CDRT4: variants seen among roughly 807,000 people sequenced by gnomAD.
The protein encoded by CDRT4 is CMT1A duplicated region transcript 4 protein.
For synonymous variants in CDRT4, 64 were observed against 69.6 expected (o/e 0.92, Z 0.40); for missense variants, 167 against 193.1 (o/e 0.87, Z 0.80).
intron 1 of CDRT4, among the ~76,000 whole-genome samples, chr17:15,460,399 CTAA>C (rs58199786): frequency 5.3e-5 from 8 of 151,866 alleles, no homozygotes; most frequent in East Asian, 1.9e-4. Flanking sequence ...ACTACTGCTG[CTAA>C]TAATAATATA....
intron 1 of CDRT4, among the ~76,000 whole-genome samples, chr17:15,462,359 CA>C (rs2150799983): frequency 7.5e-6 from 1 of 134,008 alleles, no homozygotes; most frequent in East Asian, 2.3e-4. Flanking sequence ...ACCCAGGAGG[CA>C]GAGCTTGCAG....
chr17:15,457,348 G>T (rs142142611), intron 1 of CDRT4, among the ~76,000 whole-genome samples: 121 of 152,322 alleles, frequency 7.9e-4, no homozygotes, highest in African/African-American at 2.6e-3. Context: ...GTTTTCAAAA[G>T]AGAAAAGCTA....
At chr17:15,457,014 G>A (rs1979516249) in intron 1 of CDRT4, among the ~76,000 whole-genome samples, 3 of 152,192 alleles carry the variant, frequency 2.0e-5, no homozygotes, top group African/African-American at 7.2e-5. Flanking sequence ...TCAGCACCAA[G>A]AGATCGAACC....
At chr17:15,456,280 C>T (rs1455399376) in intron 1 of CDRT4, among the ~76,000 whole-genome samples, 1 of 152,010 alleles carries the variant, frequency 6.6e-6, no homozygotes, top group Admixed American at 6.6e-5. Context: ...AGAGGGGTTG[C>T]AGGTGGGGTA....
chr17:15,438,304 T>G, intron 3 of CDRT4, 104 bp from the exon 4 acceptor site: 2 of 1,038,344 alleles, frequency 1.9e-6, no homozygotes, highest in Non-Finnish European at 2.8e-6. Flanking sequence ...AAGTCCTCCC[T>G]ATTTTGCACC....
chr17:15,448,676 T>C (rs1004500644), intron 2 of CDRT4, among the ~76,000 whole-genome samples: 3 of 152,186 alleles, frequency 2.0e-5, no homozygotes, highest in Admixed American at 2.0e-4. Flanking sequence ...AGGCAGTCAC[T>C]TTCCTTCCCC....
At chr17:15,460,846 ATC>A (rs1442643730) in intron 1 of CDRT4, among the ~76,000 whole-genome samples, 1 of 151,410 alleles carries the variant, frequency 6.6e-6, no homozygotes, top group African/African-American at 2.4e-5. Flanking sequence ...CACCTCTTAG[ATC>A]TCTCTGTTTC....
At position 15,438,051 on chromosome 17, in the gene CDRT4, T is replaced by C. The variant is rs764128594; in HGVS notation, c.181A>G (p.Arg61Gly). 6.2e-7 allele frequency: 1 copy of C among 1,614,190 alleles called. No homozygotes were observed. Among genetic ancestry groups the C allele is most frequent in the East Asian group, 2.2e-5 (1 of 44,878 alleles). ...ELECMRALEERPWASRQNKPS... is the reference protein window; with the variant it reads ...ELECMRALEEGPWASRQNKPS... Reference sequence around the variant, plus strand: ...TTATTCTGCCTTGATGCCCAGGGTCTTTCCTCGAGGGCACGCATGCATTCC... The same window carrying C: ...TTATTCTGCCTTGATGCCCAGGGTCCTTCCTCGAGGGCACGCATGCATTCC... Residue 61 changes from arginine (R) to glycine (G), a missense_variant, in exon 4 of 4, where the codon AGA becomes GGA. Transcript: ENST00000619038.
At chr17:15,446,299 C>T (rs904068163) in intron 2 of CDRT4, among the ~76,000 whole-genome samples, 46 of 152,150 alleles carry the variant, frequency 3.0e-4, no homozygotes, top group Admixed American at 2.0e-3. Flanking sequence ...ACTTCTTTAC[C>T]CCGCCCCTAT....
At chr17:15,462,015 T>C (rs1383170353) in intron 1 of CDRT4, among the ~76,000 whole-genome samples, 1 of 152,062 alleles carries the variant, frequency 6.6e-6, no homozygotes, top group Admixed American at 6.5e-5. Context: ...TCGAGTCCCT[T>C]AAAAAATTAG....
intron 2 of CDRT4, among the ~76,000 whole-genome samples, chr17:15,449,484 G>C (rs58147544): frequency 0.037 from 5,566 of 152,138 alleles, 323 homozygotes; most frequent in African/African-American, 0.13. Flanking sequence ...TCAATCAACA[G>C]AGGTAGTCCA....
chr17:15,454,032 G>C (rs546532429), intron 1 of CDRT4, among the ~76,000 whole-genome samples: 1 of 152,276 alleles, frequency 6.6e-6, no homozygotes, highest in Non-Finnish European at 1.5e-5. Context: ...AAACAATGCA[G>C]TCCAATGTTC....
rs142947676 is a variant in CDRT4 at position 15,466,029 on chromosome 17, G to A, written c.-130+1431C>T. The stretch of plus-strand genomic sequence containing the variant: ...GCACTTAGAAGACATCCCTGAAGGA[G>A]GGAGAGAAAGGGAGGGAGAGGGAGG... On this transcript the variant is annotated intron_variant, in intron 1 of 3. Coordinates refer to ENST00000619038, the MANE Select transcript of CDRT4 (RefSeq NM_001204477.2). Among the ~76,000 whole-genome samples, 306 of 151,496 alleles carry A rather than the reference G, an allele frequency of 2.0e-3. 2 individuals carry two copies. The highest frequency in any genetic ancestry group is 0.017 in the Admixed American group (256 of 15,208).
intron 1 of CDRT4, among the ~76,000 whole-genome samples, chr17:15,465,092 A>T (rs530460878): frequency 6.7e-6 from 1 of 148,978 alleles, no homozygotes; most frequent in East Asian, 2.0e-4. Flanking sequence ...AGACACACAC[A>T]ACACAGACAC....
In CDRT4 at chr17:15,438,185, G is replaced by C. The variant is rs755572998; in HGVS notation, c.47C>G (p.Thr16Ser). 1.2e-6 allele frequency: 2 copies of C among 1,613,404 alleles called. No individual in the cohort carries two copies. The highest frequency in any genetic ancestry group is 1.1e-5 in the South Asian group (1 of 91,016). The part of the protein sequence containing the change: ...MKKEEGLTEN[T>S]GLPRKLLEKH... ...TTCAAGTAGCTTCCGGGGAAGTCCA[G>C]TGTTTTCTGTGAGTCCTACCAACAA... Residue 16 changes from threonine (T) to serine (S), a missense_variant, in exon 4 of 4, where the codon ACT becomes AGT. Coordinates refer to ENST00000619038, the MANE Select transcript of CDRT4 (RefSeq NM_001204477.2).
rs1463777630 is a variant in CDRT4, at chr17:15,436,159, G to C, written c.*1614C>G. 3.9e-5 allele frequency: 6 copies of C among 152,164 alleles called. No homozygotes were observed. Among genetic ancestry groups the C allele is most frequent in the African/African-American group, 1.4e-4 (6 of 41,436 alleles). The allele number at this position is 152,164 out of a possible 1,614,324, so 9.4% of individuals were successfully genotyped here. ...GGCCAACAGTTGGGAACCAATAACA[G>C]GTCTAGAGCTCCTAATTTAGGCAGC... On this transcript the variant is annotated 3_prime_UTR_variant, in exon 4 of 4. Coordinates refer to ENST00000619038, the MANE Select transcript of CDRT4 (RefSeq NM_001204477.2).
chr17:15,449,169 C>A (rs1467766037), intron 2 of CDRT4, among the ~76,000 whole-genome samples: 1 of 152,224 alleles, frequency 6.6e-6, no homozygotes. Flanking sequence ...AGGAAAACGC[C>A]ACTGTGCCGA....
At chr17:15,457,501 C>T (rs189159113) in intron 1 of CDRT4, among the ~76,000 whole-genome samples, 21 of 152,360 alleles carry the variant, frequency 1.4e-4, no homozygotes, top group South Asian at 6.2e-4. Flanking sequence ...ATATTCTAGA[C>T]GCAGAAGGTG....
At chr17:15,461,121 C>T (rs188191380) in intron 1 of CDRT4, among the ~76,000 whole-genome samples, 1 of 152,354 alleles carries the variant, frequency 6.6e-6, no homozygotes, top group East Asian at 1.9e-4. Flanking sequence ...TCCCCGACAG[C>T]ACTTATTGCT....
Sources: gnomAD v4.1 joint callset for allele counts (sites outside exome capture counted in the v4.1 genomes callset) on GRCh38, gnomAD v4.1.1 for gene constraint, MANE v1.5 for transcripts, NCBI Gene and HGNC (gene_info 2026-07-23, HGNC 2026-07-21) for gene names.